COL25A1: variants seen among roughly 807,000 people sequenced by gnomAD.
COL25A1 encodes the protein collagen type XXV alpha 1 chain, also known as collagen alpha-1(XXV) chain.
Under a neutral mutation model 128.4 loss-of-function variants are expected in COL25A1, and 103 were observed. That is an observed-to-expected ratio of 0.80 (90% CI 0.68 to 0.94). COL25A1 has a LOEUF of 0.94. Among genes scored for constraint, COL25A1 ranks in the 40% least tolerant of loss-of-function variants. The pLI is 0.00. For synonymous variants in COL25A1, 279 were observed against 277.2 expected (o/e 1.01, Z -0.06); for missense variants, 745 against 840.0 (o/e 0.89, Z 1.40).
chr4:109,080,379 C>T (rs1763733833), intron 3 of COL25A1, among the ~76,000 whole-genome samples: 1 of 151,816 alleles, frequency 6.6e-6, no homozygotes, highest in Admixed American at 6.6e-5. Context: ...ACAATATTTA[C>T]CTAAGAAGGT....
At chr4:109,030,472 G>C (rs914148006) in intron 5 of COL25A1, among the ~76,000 whole-genome samples, 1 of 152,172 alleles carries the variant, frequency 6.6e-6, no homozygotes, top group Non-Finnish European at 1.5e-5. Context: ...CTAGGAGGAA[G>C]GGAACCACCA....
chr4:109,176,798 G>A (rs1774149265), intron 3 of COL25A1, among the ~76,000 whole-genome samples: 2 of 152,128 alleles, frequency 1.3e-5, no homozygotes, highest in Non-Finnish European at 2.9e-5. Flanking sequence ...CAGAAGAGGA[G>A]GAACATAGAG....
intron 6 of COL25A1, among the ~76,000 whole-genome samples, chr4:108,986,108 C>T (rs752792326): frequency 2.0e-5 from 3 of 152,268 alleles, no homozygotes; most frequent in Non-Finnish European, 4.4e-5. Flanking sequence ...AATCTATGGC[C>T]ATCTTTTCAT....
intron 3 of COL25A1, among the ~76,000 whole-genome samples, chr4:109,286,269 T>C (rs1723884000): frequency 6.6e-6 from 1 of 152,194 alleles, no homozygotes; most frequent in Non-Finnish European, 1.5e-5. Flanking sequence ...AATCATTTAA[T>C]AATAATAACA....
At chr4:108,825,736 CA>C (rs1246744111) in intron 33 of COL25A1, among the ~76,000 whole-genome samples, 3 of 152,166 alleles carry the variant, frequency 2.0e-5, no homozygotes, top group Non-Finnish European at 4.4e-5. Flanking sequence ...AGTTAGCTCA[CA>C]AATGAGTAAA....
intron 5 of COL25A1, among the ~76,000 whole-genome samples, chr4:109,046,184 G>T (rs943937419): frequency 5.9e-5 from 9 of 152,168 alleles, no homozygotes; most frequent in African/African-American, 2.2e-4. Flanking sequence ...ACATCAGAGG[G>T]TTGGTGTGAG....
intron 6 of COL25A1, among the ~76,000 whole-genome samples, chr4:108,990,451 G>A (rs923278010): frequency 2.6e-5 from 4 of 151,272 alleles, no homozygotes; most frequent in African/African-American, 9.7e-5. Context: ...TATACATACC[G>A]TGTGCACATA....
At chr4:108,990,262 A>G (rs1354635235) in intron 6 of COL25A1, among the ~76,000 whole-genome samples, 1 of 131,818 alleles carries the variant, frequency 7.6e-6, no homozygotes, top group Non-Finnish European at 1.6e-5. Flanking sequence ...ATATATATAT[A>G]TATATATATA....
intron 6 of COL25A1, among the ~76,000 whole-genome samples, chr4:109,003,345 C>T (rs1755639223): frequency 6.6e-6 from 1 of 152,180 alleles, no homozygotes; most frequent in Admixed American, 6.5e-5. Context: ...ATTACACTGC[C>T]TTATTGTGCC....
intron 31 of COL25A1, among the ~76,000 whole-genome samples, chr4:108,834,060 T>TAAGACAATGAAGCCC (rs1278300957): frequency 6.6e-6 from 1 of 152,236 alleles, no homozygotes; most frequent in Non-Finnish European, 1.5e-5. Context: ...TGTGGAATTC[T>TAAGACAATGAAGCCC]AAGACAATGA....
chr4:109,033,437 AC>A (rs1436549049), intron 5 of COL25A1, among the ~76,000 whole-genome samples: 2 of 152,218 alleles, frequency 1.3e-5, no homozygotes, highest in Non-Finnish European at 2.9e-5. Flanking sequence ...CCTTGTTTGC[AC>A]AGTCATGTTG....
chr4:108,983,762 C>G (rs537829532), intron 6 of COL25A1, among the ~76,000 whole-genome samples: 1 of 151,078 alleles, frequency 6.6e-6, no homozygotes, highest in Admixed American at 6.6e-5. Context: ...TGGAGTTGCT[C>G]GTTCCTCCCT....
chr4:108,965,080 G>A (rs1262534612), intron 8 of COL25A1, among the ~76,000 whole-genome samples: 2 of 152,176 alleles, frequency 1.3e-5, no homozygotes, highest in African/African-American at 4.8e-5. Context: ...AATCATTCAA[G>A]TCAACAAAGG....
chr4:109,078,711 A>G (rs1019948261), intron 3 of COL25A1, among the ~76,000 whole-genome samples: 2 of 152,238 alleles, frequency 1.3e-5, no homozygotes, highest in African/African-American at 4.8e-5. Context: ...GGGAAAAACT[A>G]GATGAATTGC....
chr4:109,168,907 G>A (rs1037877643), intron 3 of COL25A1, among the ~76,000 whole-genome samples: 4 of 151,930 alleles, frequency 2.6e-5, no homozygotes, highest in Non-Finnish European at 5.9e-5. Context: ...TCCACACATC[G>A]AGCAGCTTAG....
intron 31 of COL25A1, chr4:108,834,454 T>C: frequency 7.1e-7 from 1 of 1,411,012 alleles, no homozygotes; most frequent in Non-Finnish European, 9.8e-7. Flanking sequence ...CAGAGATTAG[T>C]ATGAGGTACC....
intron 3 of COL25A1, among the ~76,000 whole-genome samples, chr4:109,246,528 C>A (rs1780278350): frequency 6.6e-6 from 1 of 151,944 alleles, no homozygotes; most frequent in Non-Finnish European, 1.5e-5. Flanking sequence ...TATCAACTTT[C>A]CTATCAAGTT....
At position 108,859,715 on chromosome 4, in the gene COL25A1, C is replaced by G; in HGVS notation, c.1261G>C (p.Gly421Arg). 1 of 1,613,814 alleles carries G rather than the reference C, an allele frequency of 6.2e-7. No homozygotes were observed. Among genetic ancestry groups the G allele is most frequent in the South Asian group, 1.1e-5 (1 of 91,068 alleles). The change falls in exon 24 of 38, where the codon GGG becomes CGG. Residue 421 changes from glycine (G) to arginine (R), a missense_variant. This residue lies in a region of COL25A1 where 387 missense variants were observed against 441.9 expected (regional missense o/e 0.88). Transcript: ENST00000399132. ...QGPRGPPGQK[G>R]DQGATEIIDY... ...ATGATCTCAGTGGCTCCTTGATCCC[C>G]TTTTTGACCAGGTGGACCCTATGAC...
Position 109,010,217 on chromosome 4 carries a change from C to T in COL25A1, c.438+141G>A, listed in dbSNP as rs192440274. ...CTGAAGAGGCCCCAAGGGTTTACTCCTGGGAAATATTTGGTCTACTGTGTG... is the reference window on the plus strand; with the variant it reads ...CTGAAGAGGCCCCAAGGGTTTACTCTTGGGAAATATTTGGTCTACTGTGTG... On this transcript the variant is annotated intron_variant, in intron 6 of 37. Coordinates refer to ENST00000399132, the MANE Select transcript of COL25A1 (RefSeq NM_198721.4). The T allele has an allele frequency of 1.9e-5, 13 of 689,056 alleles. No individual in the cohort carries two copies. The African/African-American group carries it at 1.9e-4, about 10-fold the overall frequency. 42.7% of individuals were successfully genotyped at this position (689,056 alleles called of 1,614,324 possible). A position where few individuals can be genotyped will look rare whatever the true frequency, so the allele number is the denominator to read the frequency against.
Sources: gnomAD v4.1 joint callset for allele counts (sites outside exome capture counted in the v4.1 genomes callset) on GRCh38, gnomAD v4.1.1 for gene constraint, gnomAD v4.1.1 regional missense constraint, MANE v1.5 for transcripts, NCBI Gene and HGNC (gene_info 2026-07-23, HGNC 2026-07-21) for gene names.